Variants in KCNAB1 observed in about 807,000 individuals in gnomAD.
KCNAB1 encodes potassium voltage-gated channel subfamily A regulatory beta subunit 1, also known as voltage-gated potassium channel subunit beta-1.
Under a neutral mutation model 64.6 loss-of-function variants are expected in KCNAB1, and 35 were observed. The observed-to-expected ratio is 0.54, with a 90% confidence interval of 0.41 to 0.72. The LOEUF (loss-of-function observed/expected upper bound fraction) is 0.72. Among genes scored for constraint, KCNAB1 ranks in the 30% least tolerant of loss-of-function variants. The pLI is 0.00. For missense variants in KCNAB1, 401 were observed against 512.9 expected (o/e 0.78, Z 2.11); for synonymous variants, 177 against 183.8 (o/e 0.96, Z 0.30).
chr3:156,319,376 G>GTGGCAT (rs1722505146), intron 1 of KCNAB1, among the ~76,000 whole-genome samples: 1 of 152,208 alleles, frequency 6.6e-6, no homozygotes, highest in Non-Finnish European at 1.5e-5. Flanking sequence ...GGGACCCAAG[G>GTGGCAT]TGGCATTGTC....
At chr3:156,313,626 A>T (rs1387799825) in intron 1 of KCNAB1, among the ~76,000 whole-genome samples, 4 of 152,156 alleles carry the variant, frequency 2.6e-5, no homozygotes, top group African/African-American at 9.7e-5. Context: ...AGGGAAATGG[A>T]TTCTTTCCTA....
chr3:156,227,260 T>G (rs972656519), intron 1 of KCNAB1, among the ~76,000 whole-genome samples: 5 of 152,246 alleles, frequency 3.3e-5, no homozygotes, highest in African/African-American at 1.2e-4. Flanking sequence ...CGTGAACTCC[T>G]TTTGATAGTA....
Position 156,137,629 on chromosome 3 carries a change from C to T in KCNAB1, c.275+16743C>T, listed in dbSNP as rs4679760. 2.3e-3 allele frequency among the ~76,000 whole-genome samples: 340 copies of T among 150,408 alleles called. 1 individual carries two copies. Among genetic ancestry groups the T allele is most frequent in the African/African-American group, 7.7e-3 (313 of 40,750 alleles). On this transcript the variant is annotated intron_variant, in intron 1 of 13. Transcript: ENST00000490337. ...ACTTGCGCGATCTCACCACAACCCC[C>T]GCCCCCACCAGGTTCAAGCAATACT...
At chr3:156,526,964 A>T (rs1718352885) in intron 12 of KCNAB1, among the ~76,000 whole-genome samples, 1 of 152,214 alleles carries the variant, frequency 6.6e-6, no homozygotes. Flanking sequence ...CTATGCAAAT[A>T]AAATAATTTA....
At chr3:156,191,359 T>C (rs1040096347) in intron 1 of KCNAB1, among the ~76,000 whole-genome samples, 2 of 152,226 alleles carry the variant, frequency 1.3e-5, no homozygotes, top group African/African-American at 4.8e-5. Flanking sequence ...CAATTTGCTT[T>C]ACAGAACATT....
chr3:156,363,974 A>T (rs1269782092), intron 1 of KCNAB1, among the ~76,000 whole-genome samples: 1 of 152,222 alleles, frequency 6.6e-6, no homozygotes, highest in Non-Finnish European at 1.5e-5. Flanking sequence ...GCTATGATTT[A>T]GGTGTGTTGT....
intron 1 of KCNAB1, among the ~76,000 whole-genome samples, chr3:156,292,326 G>A (rs564134459): frequency 6.6e-6 from 1 of 152,168 alleles, no homozygotes; most frequent in East Asian, 1.9e-4. Context: ...TAAAAATGTG[G>A]CCCATTTTGT....
At chr3:156,307,145 G>A (rs907102799) in intron 1 of KCNAB1, among the ~76,000 whole-genome samples, 9 of 152,144 alleles carry the variant, frequency 5.9e-5, no homozygotes, top group African/African-American at 1.9e-4. Flanking sequence ...GTACATTTTG[G>A]AAGATGGAAG....
chr3:156,182,620 GTTT>G (rs11306363), intron 1 of KCNAB1, among the ~76,000 whole-genome samples: 15 of 142,766 alleles, frequency 1.1e-4, no homozygotes, highest in Admixed American at 7.5e-4. Context: ...TCCAGGGTTG[GTTT>G]TTTTTTCCCC....
rs972416762 is a variant in KCNAB1, at chr3:156,515,719, A to G, written c.865+499A>G. On this transcript the variant is annotated intron_variant, in intron 10 of 13. Transcript: ENST00000490337. ...CTTCAGAGACAGGGGAAATATATCTATATATAATATACCCAAGAAATTTAG... is the reference window on the plus strand; with the variant it reads ...CTTCAGAGACAGGGGAAATATATCTGTATATAATATACCCAAGAAATTTAG... 3.3e-5 allele frequency among the ~76,000 whole-genome samples: 5 copies of G among 152,212 alleles called. No individual in the cohort carries two copies. The East Asian group carries it at 9.6e-4, about 29-fold the overall frequency.
intron 1 of KCNAB1, among the ~76,000 whole-genome samples, chr3:156,393,713 G>A (rs978968575): frequency 6.6e-6 from 1 of 152,142 alleles, no homozygotes; most frequent in Non-Finnish European, 1.5e-5. Flanking sequence ...AGATTAAGTG[G>A]CAAGGTATTA....
chr3:156,469,708 G>A (rs906518295), intron 7 of KCNAB1, among the ~76,000 whole-genome samples: 6 of 152,234 alleles, frequency 3.9e-5, no homozygotes, highest in Admixed American at 3.9e-4. Context: ...GAGATCATTT[G>A]TTATTATGTT....
chr3:156,329,416 T>C (rs569519570), intron 1 of KCNAB1, among the ~76,000 whole-genome samples: 2 of 152,052 alleles, frequency 1.3e-5, no homozygotes, highest in Non-Finnish European at 2.9e-5. Context: ...AGGATGGAAA[T>C]CTACTGAACT....
At chr3:156,358,269 A>G (rs1725390134) in intron 1 of KCNAB1, among the ~76,000 whole-genome samples, 1 of 152,172 alleles carries the variant, frequency 6.6e-6, no homozygotes, top group Admixed American at 6.5e-5. Context: ...TCATCCCTCC[A>G]CTTGAAACAA....
At chr3:156,502,877 G>A (rs1716543130) in intron 8 of KCNAB1, among the ~76,000 whole-genome samples, 1 of 152,168 alleles carries the variant, frequency 6.6e-6, no homozygotes, top group Non-Finnish European at 1.5e-5. Context: ...GCACAGTCCT[G>A]TAATTTCAGT....
chr3:156,217,912 T>G (rs1715426995), intron 1 of KCNAB1: 1 of 152,238 alleles, frequency 6.6e-6, no homozygotes. Flanking sequence ...CCCACTCTGA[T>G]GGACTGAGTG....
intron 2 of KCNAB1, among the ~76,000 whole-genome samples, chr3:156,424,174 T>C (rs1379364633): frequency 6.6e-6 from 1 of 152,032 alleles, no homozygotes; most frequent in Non-Finnish European, 1.5e-5. Context: ...AAAACTAACA[T>C]TGGAGAGTGG....
At chr3:156,208,693 T>G (rs1225250546) in intron 1 of KCNAB1, among the ~76,000 whole-genome samples, 1 of 152,166 alleles carries the variant, frequency 6.6e-6, no homozygotes, top group Non-Finnish European at 1.5e-5. Flanking sequence ...CAGAACAAAC[T>G]GTTAATTCTG....
Position 156,171,194 on chromosome 3 carries a change from T to TACACAC in KCNAB1, c.275+50335_275+50340dup, listed in dbSNP as rs779486541. On this transcript the variant is annotated intron_variant, in intron 1 of 13. Coordinates refer to ENST00000490337, the MANE Select transcript of KCNAB1 (RefSeq NM_172160.3). The stretch of plus-strand genomic sequence containing the variant: ...TATAGTTAGAAACTTCACGCACACA[T>TACACAC]ACACACACACACACACACACACACA... Among the ~76,000 whole-genome samples the TACACAC allele has an allele frequency of 2.7e-3, 402 of 147,710 alleles. 7 individuals are homozygous for TACACAC. Among genetic ancestry groups the TACACAC allele is most frequent in the African/African-American group, 9.6e-3 (380 of 39,644 alleles).
Sources: allele counts gnomAD v4.1 joint callset (sites outside exome capture counted in the v4.1 genomes callset), GRCh38; gene constraint gnomAD v4.1.1; transcripts MANE v1.5; gene names NCBI Gene and HGNC (gene_info 2026-07-23, HGNC 2026-07-21).